CELF2: variants seen among roughly 807,000 people sequenced by gnomAD.
CELF2 encodes the protein CUGBP Elav-like family member 2.
Under a neutral mutation model 62.6 loss-of-function variants are expected in CELF2, and 8 were observed. That is an observed-to-expected ratio of 0.13 (90% CI 0.07 to 0.23). CELF2 has a LOEUF of 0.23. Ranked by LOEUF, CELF2 falls within the 10% of genes least tolerant of loss-of-function variation. CELF2 has a pLI of 1.00. For synonymous variants in CELF2, 258 were observed against 250.0 expected, an observed-to-expected ratio of 1.03 and a Z score of -0.30; for missense variants, 333 against 671.0, an observed-to-expected ratio of 0.50 and a Z score of 5.56.
At chr10:10,710,671 G>T in the CELF2 span, among the ~76,000 whole-genome samples, 102 of 152,030 alleles carry the variant, frequency 6.7e-4, no homozygotes, top group Middle Eastern at 6.8e-3. Context: ...TAAAATGTCA[G>T]ATTTTGTCTC....
chr10:10,906,619 C>T (rs2063356288), intron 1 of CELF2, among the ~76,000 whole-genome samples: 1 of 151,808 alleles, frequency 6.6e-6, no homozygotes, highest in South Asian at 2.1e-4. Context: ...AGTTTTGATG[C>T]TATAAAAATA....
At chr10:10,836,476 G>A (rs1446606450) in intron 1 of CELF2, among the ~76,000 whole-genome samples, 2 of 152,152 alleles carry the variant, frequency 1.3e-5, no homozygotes, top group East Asian at 1.9e-4. Flanking sequence ...AACAACCAAC[G>A]CATTGGTGGC....
the CELF2 span, among the ~76,000 whole-genome samples, chr10:10,552,897 G>A: frequency 9.1e-4 from 139 of 152,326 alleles, no homozygotes; most frequent in African/African-American, 3.1e-3. Context: ...CAGGGTCCCA[G>A]CCAGTCAGAT....
intron 3 of CELF2, among the ~76,000 whole-genome samples, chr10:11,238,049 G>A (rs1367055056): frequency 6.6e-6 from 1 of 152,194 alleles, no homozygotes; most frequent in African/African-American, 2.4e-5. Context: ...GCTCAGTTGG[G>A]CAGCTTGTCT....
chr10:10,875,539 G>A (rs1438024557), intron 1 of CELF2, among the ~76,000 whole-genome samples: 3 of 152,200 alleles, frequency 2.0e-5, no homozygotes, highest in African/African-American at 7.2e-5. Context: ...CATTCACTGT[G>A]ATGGGCTAAA....
chr10:11,050,898 C>T (rs1252809896), intron 1 of CELF2, among the ~76,000 whole-genome samples: 1 of 152,214 alleles, frequency 6.6e-6, no homozygotes, highest in Non-Finnish European at 1.5e-5. Flanking sequence ...CCCACTGGGC[C>T]TCTTGTTTGC....
intron 2 of CELF2, among the ~76,000 whole-genome samples, chr10:11,198,812 T>C (rs190551149): frequency 1.3e-5 from 2 of 152,360 alleles, no homozygotes; most frequent in East Asian, 3.9e-4. Context: ...ATAATTATTC[T>C]TGTTTACAAA....
intron 1 of CELF2, among the ~76,000 whole-genome samples, chr10:10,850,968 G>C (rs2059349573): frequency 6.6e-6 from 1 of 151,976 alleles, no homozygotes; most frequent in South Asian, 2.1e-4. Flanking sequence ...ACCATGCCTG[G>C]CTAATTTTTG....
chr10:10,552,060 GA>G, the CELF2 span, among the ~76,000 whole-genome samples: 6,850 of 152,240 alleles, frequency 0.045, 370 homozygotes, highest in African/African-American at 0.11. Context: ...TGCTGTGGAA[GA>G]AAACAAAAGA....
chr10:10,867,940 C>CTTCT (rs2060489428), intron 1 of CELF2, among the ~76,000 whole-genome samples: 1 of 152,206 alleles, frequency 6.6e-6, no homozygotes, highest in African/African-American at 2.4e-5. Flanking sequence ...CTCTCCCATC[C>CTTCT]TTCTTTCTTT....
At chr10:11,273,968 A>ACCCCCCCCCCCCCCCCCCCCCC (rs10612614) in intron 7 of CELF2, among the ~76,000 whole-genome samples, 1 of 96,470 alleles carries the variant, frequency 1.0e-5, no homozygotes, top group Non-Finnish European at 2.1e-5. Flanking sequence ...AGTGATCCCC[A>ACCCCCCCCCCCCCCCCCCCCCC]CCCCCCCCCC....
chr10:10,765,365 G>A, the CELF2 span, among the ~76,000 whole-genome samples: 17 of 152,130 alleles, frequency 1.1e-4, no homozygotes, highest in Admixed American at 9.2e-4. Context: ...TTCTGTCTGC[G>A]GGAAGCTGGC....
chr10:10,536,145 G>T, the CELF2 span, among the ~76,000 whole-genome samples: 2 of 151,334 alleles, frequency 1.3e-5, no homozygotes, highest in Non-Finnish European at 2.9e-5. Context: ...TCAGCCTCCT[G>T]AGTAGCTGAG....
intron 1 of CELF2, among the ~76,000 whole-genome samples, chr10:11,059,048 G>A (rs958530784): frequency 6.6e-6 from 1 of 152,156 alleles, no homozygotes; most frequent in African/African-American, 2.4e-5. Context: ...CGCACAAAGT[G>A]CCAGGGTTGC....
In CELF2 at chr10:11,285,987, A is replaced by G. The variant is rs1323753771; in HGVS notation, c.842-2431A>G. ...ATAAATAATGTCAACATAGGGTATGATGAGAGCCACGAAAGAGTTATAAAC... is the reference window on the plus strand; with the variant it reads ...ATAAATAATGTCAACATAGGGTATGGTGAGAGCCACGAAAGAGTTATAAAC... On this transcript the variant is annotated intron_variant, in intron 8 of 12. Coordinates refer to ENST00000633077, the MANE Select transcript of CELF2 (RefSeq NM_001326342.2). This position sits in a 1 kb window ranked among gnomAD's most constrained non-coding sequence, Gnocchi z 4.3. Among the ~76,000 whole-genome samples the G allele has an allele frequency of 6.6e-6, 1 of 152,182 alleles. No homozygotes were observed. Among genetic ancestry groups the G allele is most frequent in the Non-Finnish European group, 1.5e-5 (1 of 68,038 alleles).
rs1408487935 is a variant in CELF2 at position 11,288,414 on chromosome 10, A to G, written c.842-4A>G. On this transcript the variant is annotated splice_region_variant and splice_polypyrimidine_tract_variant and intron_variant, in intron 8 of 12. Transcript: ENST00000633077. ...CTGAAAGTAACTTTCTCTTCCCTCC[A>G]CAGGCATGAATGCTTTACAGTTGCA... 2 of 1,613,944 alleles carry G rather than the reference A, an allele frequency of 1.2e-6. No individual in the cohort carries two copies. The highest frequency in any genetic ancestry group is 1.7e-6 in the Non-Finnish European group (2 of 1,179,966).
rs568735965 is a variant in CELF2 at position 11,180,926 on chromosome 10, A to G, written c.271+15244A>G. On this transcript the variant is annotated intron_variant, in intron 2 of 12. Coordinates refer to ENST00000633077, the MANE Select transcript of CELF2 (RefSeq NM_001326342.2). ...GCTTTGTTGCCCAGGCTGGAGTGCAATGACGCGATCTCGGCTCACTGCAAG... is the reference window on the plus strand; with the variant it reads ...GCTTTGTTGCCCAGGCTGGAGTGCAGTGACGCGATCTCGGCTCACTGCAAG... Among the ~76,000 whole-genome samples, 141 of 152,260 alleles carry G rather than the reference A, an allele frequency of 9.3e-4. 2 individuals are homozygous for G. The highest frequency in any genetic ancestry group is 3.1e-3 in the African/African-American group (130 of 41,554).
the CELF2 span, among the ~76,000 whole-genome samples, chr10:10,633,869 C>T: frequency 1.3e-5 from 2 of 151,472 alleles, no homozygotes; most frequent in East Asian, 1.9e-4. Context: ...AATATATGAC[C>T]AAGATACCAT....
chr10:10,796,872 A>C (rs878984787), upstream of CELF2: 6 of 984,988 alleles, frequency 6.1e-6, no homozygotes, highest in Admixed American at 1.2e-4. Flanking sequence ...AAGAAGCTTG[A>C]AGTCCCAGAA....
Sources: gnomAD v4.1 joint callset for allele counts (sites outside exome capture counted in the v4.1 genomes callset) on GRCh38, gnomAD v4.1.1 for gene constraint, Gnocchi (gnomAD v3.1) non-coding constraint, MANE v1.5 for transcripts, NCBI Gene and HGNC (gene_info 2026-07-23, HGNC 2026-07-21) for gene names.